Variants in MCTP2 observed in about 807,000 individuals in gnomAD.
MCTP2 encodes multiple C2 and transmembrane domain-containing protein 2.
In MCTP2, 132 loss-of-function variants were observed where a neutral mutation model predicts 111.6. That is an observed-to-expected ratio of 1.18 (90% CI 1.03 to 1.37). The LOEUF (loss-of-function observed/expected upper bound fraction) is 1.37, where lower values mean the gene tolerates loss of function less well. Ranked by LOEUF, MCTP2 falls within the 40% of genes most tolerant of loss-of-function variation. MCTP2 has a pLI of 0.00. For synonymous variants in MCTP2, 395 were observed against 387.7 expected (o/e 1.02, Z -0.22); for missense variants, 1,183 against 1,067.9 (o/e 1.11, Z -1.50).
chr15:94,320,944 A>G (rs2076604367), intron 4 of MCTP2, among the ~76,000 whole-genome samples: 1 of 152,240 alleles, frequency 6.6e-6, no homozygotes, highest in Admixed American at 6.5e-5. Flanking sequence ...TACAACTTAC[A>G]TAACCTCTCT....
chr15:94,397,540 A>C (rs1487826002), intron 14 of MCTP2, among the ~76,000 whole-genome samples: 1 of 152,178 alleles, frequency 6.6e-6, no homozygotes, highest in African/African-American at 2.4e-5. Flanking sequence ...TCCTGTTTGG[A>C]CACCGTTTAG....
rs762287486 is a variant in MCTP2, at chr15:94,298,707, G to A, written c.442G>A (p.Gly148Arg). ...TGATCTTCAGAAAACTTCCCTTGGA[G>A]GGGATGCACCAGAAGAGCCAGAGGT... is the stretch of plus-strand genomic sequence containing the variant. ...IFDLQKTSLG[G>R]DAPEEPEKLC... The change falls in exon 2 of 23, where the codon GGG becomes AGG. Residue 148 changes from glycine (G) to arginine (R), a missense_variant. Transcript: ENST00000357742. 1.2e-6 allele frequency: 2 copies of A among 1,610,198 alleles called. No individual in the cohort carries two copies. The highest frequency in any genetic ancestry group is 1.7e-5 in the Admixed American group (1 of 59,656).
chr15:94,385,618 G>T, intron 14 of MCTP2, 93 bp downstream of exon 14: 1 of 855,842 alleles, frequency 1.2e-6, no homozygotes, highest in Non-Finnish European at 1.9e-6. Context: ...TCAACCTGGG[G>T]GAAAAAAATC....
chr15:94,370,026 T>A, intron 11 of MCTP2, 61 bp from the exon 12 acceptor site: 1 of 1,104,928 alleles, frequency 9.1e-7, no homozygotes, highest in Non-Finnish European at 1.3e-6. Context: ...TATAGGACTT[T>A]ATGACATTAA....
intron 14 of MCTP2, among the ~76,000 whole-genome samples, chr15:94,387,142 C>CT (rs2080545452): frequency 1.3e-5 from 2 of 151,572 alleles, no homozygotes; most frequent in African/African-American, 4.9e-5. Context: ...TCCTCCTTCC[C>CT]CCCTTCCTCC....
chr15:94,390,974 C>T (rs185417549), intron 14 of MCTP2, among the ~76,000 whole-genome samples: 1 of 152,216 alleles, frequency 6.6e-6, no homozygotes, highest in African/African-American at 2.4e-5. Context: ...AGGTGTTCTG[C>T]CCACCTCAGC....
chr15:94,469,244 A>C (rs904002235), intron 20 of MCTP2, among the ~76,000 whole-genome samples: 1 of 152,192 alleles, frequency 6.6e-6, no homozygotes, highest in Admixed American at 6.5e-5. Context: ...GAAGACCATT[A>C]AGAAGAAATA....
At chr15:94,302,412 G>A (rs2152341631) in intron 2 of MCTP2, among the ~76,000 whole-genome samples, 1 of 152,244 alleles carries the variant, frequency 6.6e-6, no homozygotes, top group Non-Finnish European at 1.5e-5. Flanking sequence ...TGGAATGATG[G>A]GGCAAAAGAG....
intron 12 of MCTP2, 99 bp from the exon 13 acceptor site, chr15:94,383,923 T>G (rs1171581189): frequency 1.0e-5 from 9 of 859,750 alleles, no homozygotes; most frequent in Non-Finnish European, 1.7e-5. Flanking sequence ...TTGCCTTCCC[T>G]CTTTCAGCAA....
Position 94,476,713 on chromosome 15 carries a change from A to C in MCTP2, c.2488A>C (p.Lys830Gln). The C allele has an allele frequency of 6.3e-7, 1 of 1,588,630 alleles. No individual in the cohort carries two copies. Among genetic ancestry groups the C allele is most frequent in the Non-Finnish European group, 8.6e-7 (1 of 1,157,326 alleles). The change falls in exon 22 of 23, where the codon AAG (lysine) becomes CAG (glutamine). Residue 830 changes from lysine (K) to glutamine (Q), a missense_variant. Physicochemically the swap from Lys to Gln is moderately conservative, Grantham distance 53. Transcript: ENST00000357742. ...ILIWGINKFT[K>Q]KLRNPYSIDN... ...TTTTTCAGGCATAAATAAATTTACTAAGAAGCTTCGAAATCCCTATTCCAT... is the reference window on the plus strand; with the variant it reads ...TTTTTCAGGCATAAATAAATTTACTCAGAAGCTTCGAAATCCCTATTCCAT...
Position 94,245,544 on chromosome 15 carries a change from A to G in MCTP2, c.-66+13880A>G, listed in dbSNP as rs973366808. 1.6e-4 allele frequency among the ~76,000 whole-genome samples: 23 copies of G among 142,498 alleles called. No homozygotes were observed. The South Asian group carries it at 2.8e-3, about 17-fold the overall frequency. 93.5% of individuals were successfully genotyped at this position (142,498 alleles called of 152,430 possible). The stretch of plus-strand genomic sequence containing the variant: ...TATATATTTATATACATACATGTAT[A>G]TATTTATATATGTATACATATATGT... On this transcript the variant is annotated intron_variant, in intron 1 of 22. Coordinates refer to ENST00000357742, the MANE Select transcript of MCTP2 (RefSeq NM_001385001.1).
In MCTP2 at chr15:94,236,377, C is replaced by CTTTTTT. The variant is rs71132992; in HGVS notation, c.-66+4736_-66+4741dup. Among the ~76,000 whole-genome samples the CTTTTTT allele has an allele frequency of 2.5e-3, 184 of 72,502 alleles. 21 individuals carry two copies. The highest frequency in any genetic ancestry group is 5.4e-3 in the African/African-American group (103 of 19,024). 47.6% of individuals were successfully genotyped at this position (72,502 alleles called of 152,430 possible). On this transcript the variant is annotated intron_variant, in intron 1 of 22. Coordinates refer to ENST00000357742, the MANE Select transcript of MCTP2 (RefSeq NM_001385001.1). ...TATGATTCAATCCTTTCTTTTTTTT[C>CTTTTTT]TTTTTTTTTTTTTTTTTTTTTTTTT...
intron 1 of MCTP2, among the ~76,000 whole-genome samples, chr15:94,289,234 G>A (rs2074919744): frequency 6.6e-6 from 1 of 152,170 alleles, no homozygotes; most frequent in Non-Finnish European, 1.5e-5. Context: ...AAGTCAGTCA[G>A]AGCAATGATA....
intron 10 of MCTP2, among the ~76,000 whole-genome samples, chr15:94,360,917 T>C (rs2078896868): frequency 6.6e-6 from 1 of 151,476 alleles, no homozygotes; most frequent in Non-Finnish European, 1.5e-5. Flanking sequence ...CAAAAGTATC[T>C]CTTGGGAGCT....
At chr15:94,435,720 C>T (rs113104902) in intron 17 of MCTP2, among the ~76,000 whole-genome samples, 3,249 of 131,382 alleles carry the variant, frequency 0.025, 63 homozygotes, top group East Asian at 0.079. Flanking sequence ...CAAGCTCCGC[C>T]TCCCGGGTTC....
intron 1 of MCTP2, among the ~76,000 whole-genome samples, chr15:94,270,884 T>A (rs1287373768): frequency 6.6e-6 from 1 of 152,244 alleles, no homozygotes; most frequent in East Asian, 1.9e-4. Context: ...TTCCAAGTAG[T>A]ACATAACTTT....
At chr15:94,231,730 G>C (rs987592540) in intron 1 of MCTP2, 66 bp downstream of exon 1, 1 of 152,868 alleles carries the variant, frequency 6.5e-6, no homozygotes, top group Non-Finnish European at 1.5e-5. Flanking sequence ...CCGCCTGGGG[G>C]TGGGCGTCTT....
chr15:94,249,982 A>G (rs1339025416), intron 1 of MCTP2, among the ~76,000 whole-genome samples: 1 of 152,188 alleles, frequency 6.6e-6, no homozygotes, highest in African/African-American at 2.4e-5. Flanking sequence ...TTATGTCAAT[A>G]GTAAAAGAAA....
chr15:94,335,421 A>G (rs1242384482), intron 4 of MCTP2, among the ~76,000 whole-genome samples: 2 of 152,248 alleles, frequency 1.3e-5, no homozygotes, highest in Non-Finnish European at 2.9e-5. Context: ...GATGAAATAA[A>G]AATGAAAGTC....
Sources: gnomAD v4.1 joint callset for allele counts (sites outside exome capture counted in the v4.1 genomes callset) on GRCh38, gnomAD v4.1.1 for gene constraint, MANE v1.5 for transcripts, NCBI Gene and HGNC (gene_info 2026-07-23, HGNC 2026-07-21) for gene names.